The following SUCLG2 variants were observed in gnomAD, a reference collection of about 807,000 sequenced individuals.
SUCLG2 encodes the protein succinate-CoA ligase GDP-forming subunit beta, also known as succinate--CoA ligase [GDP-forming] subunit beta, mitochondrial.
SUCLG2 carries 42 observed loss-of-function variants against 47.9 expected under a neutral mutation model. The observed-to-expected ratio is 0.88, with a 90% confidence interval of 0.69 to 1.14. The LOEUF (loss-of-function observed/expected upper bound fraction) is 1.14. Ranked by LOEUF, SUCLG2 falls within the 50% of genes most tolerant of loss-of-function variation. The pLI, the probability that SUCLG2 is intolerant of heterozygous loss-of-function variation, is 0.00. For missense variants in SUCLG2, 571 were observed against 525.9 expected, an observed-to-expected ratio of 1.09 and a Z score of -0.84; for synonymous variants, 195 against 197.3, an observed-to-expected ratio of 0.99 and a Z score of 0.10.
At chr3:67,555,684 T>G (rs942138626) in intron 2 of SUCLG2, among the ~76,000 whole-genome samples, 14 of 152,232 alleles carry the variant, frequency 9.2e-5, no homozygotes, top group African/African-American at 3.4e-4. Flanking sequence ...CAAGAATTCG[T>G]AAGTCTTTGA....
At chr3:67,616,743 A>G (rs943783946) in intron 1 of SUCLG2, among the ~76,000 whole-genome samples, 6 of 152,158 alleles carry the variant, frequency 3.9e-5, no homozygotes, top group Admixed American at 3.3e-4. Context: ...GGGTTCTTCA[A>G]ATGTGGTATG....
chr3:67,362,429 A>C (rs1422265041), intron 10 of SUCLG2, among the ~76,000 whole-genome samples: 3 of 152,166 alleles, frequency 2.0e-5, no homozygotes, highest in Non-Finnish European at 4.4e-5. Context: ...GCTTTCTTTA[A>C]AATTGCAATA....
intron 9 of SUCLG2, among the ~76,000 whole-genome samples, chr3:67,489,024 T>A (rs1705136268): frequency 6.6e-6 from 1 of 152,168 alleles, no homozygotes; most frequent in South Asian, 2.1e-4. Flanking sequence ...ATTTTTGGCT[T>A]GTTTCTGAGG....
chr3:67,588,951 A>C (rs1708090838), intron 2 of SUCLG2, among the ~76,000 whole-genome samples: 1 of 152,174 alleles, frequency 6.6e-6, no homozygotes, highest in Non-Finnish European at 1.5e-5. Context: ...ATTTCACTGG[A>C]ACAAAATCCA....
intron 2 of SUCLG2, among the ~76,000 whole-genome samples, chr3:67,565,567 T>C (rs767636257): frequency 1.3e-5 from 2 of 152,190 alleles, no homozygotes; most frequent in East Asian, 1.9e-4. Flanking sequence ...GCCAACAGCA[T>C]GAGATATGCC....
At chr3:67,617,451 G>A (rs1700650703) in intron 1 of SUCLG2, among the ~76,000 whole-genome samples, 1 of 152,206 alleles carries the variant, frequency 6.6e-6, no homozygotes, top group South Asian at 2.1e-4. Flanking sequence ...GAATAGGACT[G>A]TGGGTACTGA....
At chr3:67,604,993 C>T (rs186205174) in intron 2 of SUCLG2, among the ~76,000 whole-genome samples, 2 of 152,262 alleles carry the variant, frequency 1.3e-5, no homozygotes, top group East Asian at 3.9e-4. Context: ...ATTACGATGT[C>T]TCTGGTCTCT....
Position 67,597,241 on chromosome 3 carries a change from A to G in SUCLG2, c.226+12214T>C, listed in dbSNP as rs182689664. ...TGATGTGTCCCTTCTTAATTTCCCA[A>G]CTTCCCACCATTGCCCACAGGGCTG... On this transcript the variant is annotated intron_variant, in intron 2 of 10. Coordinates refer to ENST00000307227, the MANE Select transcript of SUCLG2 (RefSeq NM_003848.4). Among the ~76,000 whole-genome samples, 75 of 152,236 alleles carry G rather than the reference A, an allele frequency of 4.9e-4. No homozygotes were observed. The East Asian group carries it at 0.012, about 25-fold the overall frequency.
chr3:67,540,675 C>G (rs1316014802), intron 2 of SUCLG2, among the ~76,000 whole-genome samples: 1 of 152,192 alleles, frequency 6.6e-6, no homozygotes, highest in African/African-American at 2.4e-5. Context: ...AGTGGATCTC[C>G]CAGCACACTG....
chr3:67,545,427 T>G (rs1239537912), intron 2 of SUCLG2, among the ~76,000 whole-genome samples: 1 of 152,200 alleles, frequency 6.6e-6, no homozygotes, highest in Non-Finnish European at 1.5e-5. Flanking sequence ...CCAGCATAAC[T>G]GTTATGCTGC....
At chr3:67,385,486 T>C (rs1363527646) in intron 10 of SUCLG2, among the ~76,000 whole-genome samples, 2 of 152,224 alleles carry the variant, frequency 1.3e-5, no homozygotes, top group African/African-American at 4.8e-5. Flanking sequence ...GGTGATGGTG[T>C]AGGGAGCTGA....
At chr3:67,416,467 A>C (rs1016986259) in intron 9 of SUCLG2, among the ~76,000 whole-genome samples, 8 of 152,198 alleles carry the variant, frequency 5.3e-5, no homozygotes, top group Non-Finnish European at 1.2e-4. Context: ...ATCCCACTAT[A>C]ATAATACTGC....
intron 9 of SUCLG2, among the ~76,000 whole-genome samples, chr3:67,487,523 C>CACAA (rs1311949747): frequency 7.9e-5 from 12 of 151,892 alleles, no homozygotes; most frequent in Non-Finnish European, 7.4e-5. Context: ...CACACAAACA[C>CACAA]ACACACAGAG....
chr3:67,430,839 C>T (rs2106884736), intron 9 of SUCLG2, among the ~76,000 whole-genome samples: 1 of 152,262 alleles, frequency 6.6e-6, no homozygotes, highest in South Asian at 2.1e-4. Context: ...CACAAATAAA[C>T]TAGAAAATCT....
At chr3:67,388,564 T>C (rs988913191) in intron 10 of SUCLG2, among the ~76,000 whole-genome samples, 1 of 152,252 alleles carries the variant, frequency 6.6e-6, no homozygotes, top group African/African-American at 2.4e-5. Context: ...CATTCTGTTA[T>C]AACTGTATTC....
At chr3:67,378,853 A>G (rs1552631) in intron 10 of SUCLG2, among the ~76,000 whole-genome samples, 64,060 of 152,110 alleles carry the variant, frequency 0.42, 13,440 homozygotes, top group South Asian at 0.54. Flanking sequence ...TAATCAAAGC[A>G]TGGCTTTCAT....
chr3:67,486,761 CA>C (rs1343795690), intron 9 of SUCLG2, among the ~76,000 whole-genome samples: 1 of 151,858 alleles, frequency 6.6e-6, no homozygotes, highest in Non-Finnish European at 1.5e-5. Context: ...GACAAAAATG[CA>C]AAAAACATGG....
intron 2 of SUCLG2, among the ~76,000 whole-genome samples, chr3:67,534,115 G>A (rs1193919925): frequency 6.6e-6 from 1 of 152,052 alleles, no homozygotes; most frequent in Admixed American, 6.6e-5. Context: ...CCAGGACAAG[G>A]ATTTTATGAT....
chr3:67,514,211 G>A, intron 6 of SUCLG2: 1 of 370,798 alleles, frequency 2.7e-6, no homozygotes, highest in Non-Finnish European at 5.4e-6. Flanking sequence ...GGAGCTTTGT[G>A]TGGAATTAGG....
Sources: gnomAD v4.1 joint callset for allele counts (sites outside exome capture counted in the v4.1 genomes callset) on GRCh38, gnomAD v4.1.1 for gene constraint, MANE v1.5 for transcripts, NCBI Gene and HGNC (gene_info 2026-07-23, HGNC 2026-07-21) for gene names.